The following TET1 variants were observed in gnomAD, a reference collection of about 807,000 sequenced individuals.
TET1 encodes methylcytosine dioxygenase TET1.
In TET1, 13 loss-of-function variants were observed where a neutral mutation model predicts 148.7. The ratio of observed to expected loss-of-function variants is 0.09; its 90% CI spans 0.06 to 0.14. TET1 has a LOEUF of 0.14. Ranked by LOEUF, TET1 falls within the 10% of genes least tolerant of loss-of-function variation. The pLI is 1.00. For synonymous variants in TET1, 907 were observed against 937.2 expected, an observed-to-expected ratio of 0.97 and a Z score of 0.59; for missense variants, 2,182 against 2,553.8, an observed-to-expected ratio of 0.85 and a Z score of 3.14.
Position 68,646,658 on chromosome 10 carries a change from C to A in TET1, c.3929C>A (p.Ala1310Asp). 2 of 1,614,200 alleles carry A rather than the reference C, an allele frequency of 1.2e-6. No individual in the cohort carries two copies. Among genetic ancestry groups the A allele is most frequent in the Non-Finnish European group, 1.7e-6 (2 of 1,180,032 alleles). ...CCCTCCTCTCCACCTAACCAGTGTGCTAACGTGATGGCAGGCGATGACCAA... is the reference window on the plus strand; with the variant it reads ...CCCTCCTCTCCACCTAACCAGTGTGATAACGTGATGGCAGGCGATGACCAA... ...TQPSSPPNQCANVMAGDDQIR... is the reference protein window; with the variant it reads ...TQPSSPPNQCDNVMAGDDQIR... The change falls in exon 4 of 12, where the codon GCT (alanine) becomes GAT (aspartate). Residue 1310 changes from alanine (A) to aspartate (D), a missense_variant. Around this residue, in one of 11 missense-constraint regions of TET1, gnomAD observed 582 missense variants for 599.5 expected, o/e 0.97. Transcript: ENST00000373644.
chr10:68,628,223 A>G (rs2054517140), intron 3 of TET1, among the ~76,000 whole-genome samples: 1 of 152,236 alleles, frequency 6.6e-6, no homozygotes, highest in Non-Finnish European at 1.5e-5. Context: ...TTGGGGTTAC[A>G]GGCATGAGCC....
chr10:68,671,096 T>C (rs1280741193), intron 7 of TET1, among the ~76,000 whole-genome samples: 1 of 152,160 alleles, frequency 6.6e-6, no homozygotes, highest in Non-Finnish European at 1.5e-5. Flanking sequence ...GGTTTTTTAT[T>C]TAGGTAAATT....
chr10:68,629,914 G>C (rs1007256632), intron 3 of TET1, among the ~76,000 whole-genome samples: 1 of 152,186 alleles, frequency 6.6e-6, no homozygotes, highest in Non-Finnish European at 1.5e-5. Context: ...GATTGGAAGT[G>C]CTACATACTT....
chr10:68,598,809 G>T (rs895612896), intron 2 of TET1, among the ~76,000 whole-genome samples: 3 of 150,532 alleles, frequency 2.0e-5, no homozygotes, highest in African/African-American at 7.3e-5. Flanking sequence ...TCCTGTCTCA[G>T]CCTCCCGAGT....
rs1450775662 is a variant in TET1 at position 68,572,607 on chromosome 10, T to G, written c.269T>G (p.Leu90Arg). 11 of 1,614,160 alleles carry G rather than the reference T, an allele frequency of 6.8e-6. No homozygotes were observed. Among genetic ancestry groups the G allele is most frequent in the Non-Finnish European group, 9.3e-6 (11 of 1,180,028 alleles). ...ATGAATTTGGATAGGACTGAGGTTC[T>G]TTTTCAGAACCCAGAGTCCTTAACC... The part of the protein sequence containing the change: ...ARMNLDRTEV[L>R]FQNPESLTCN... Residue 90 changes from leucine to arginine, a missense_variant, in exon 2 of 12, where the codon CTT becomes CGT. Transcript: ENST00000373644.
At chr10:68,572,016 C>T (rs1013155374) in intron 1 of TET1, among the ~76,000 whole-genome samples, 1 of 152,096 alleles carries the variant, frequency 6.6e-6, no homozygotes, top group Non-Finnish European at 1.5e-5. Flanking sequence ...ACTTGGGGGG[C>T]TGAAGTGGGA....
At chr10:68,596,941 T>G (rs2132859060) in intron 2 of TET1, among the ~76,000 whole-genome samples, 1 of 151,990 alleles carries the variant, frequency 6.6e-6, no homozygotes, top group East Asian at 1.9e-4. Context: ...AAAACAGACC[T>G]CTCAGCAATA....
At chr10:68,625,021 A>G (rs2054457618) in intron 3 of TET1, among the ~76,000 whole-genome samples, 1 of 152,136 alleles carries the variant, frequency 6.6e-6, no homozygotes, top group Admixed American at 6.6e-5. Context: ...GGCGTGAGCC[A>G]GTGCGCCCGG....
chr10:68,580,707 A>G (rs576605873), intron 2 of TET1, among the ~76,000 whole-genome samples: 2 of 149,650 alleles, frequency 1.3e-5, no homozygotes, highest in African/African-American at 4.9e-5. Context: ...GCGTGAACCC[A>G]GGAGACGGAG....
chr10:68,641,631 TG>T (rs772712838), intron 3 of TET1, among the ~76,000 whole-genome samples: 47 of 151,550 alleles, frequency 3.1e-4, no homozygotes, highest in Non-Finnish European at 5.3e-4. Context: ...CTCGAGTACC[TG>T]GGACTACAGG....
chr10:68,631,213 A>C (rs1447501360), intron 3 of TET1, among the ~76,000 whole-genome samples: 1 of 152,202 alleles, frequency 6.6e-6, no homozygotes, highest in Non-Finnish European at 1.5e-5. Flanking sequence ...TATTAAAAAC[A>C]AAGATGATTC....
At chr10:68,565,475 A>ATATATATATATATAT (rs1554927790) in intron 1 of TET1, among the ~76,000 whole-genome samples, 3 of 129,232 alleles carry the variant, frequency 2.3e-5, no homozygotes, top group African/African-American at 8.4e-5. Context: ...AAAAAAAAAA[A>ATATATATATATATAT]ATATATATAT....
intron 10 of TET1, 49 bp from the exon 11 acceptor site, chr10:68,686,306 AT>A (rs755956080): frequency 6.8e-7 from 1 of 1,463,390 alleles, no homozygotes; most frequent in East Asian, 2.3e-5. Flanking sequence ...GCCACAATGA[AT>A]GTGCACGACC....
Position 68,573,489 on chromosome 10 carries a change from T to C in TET1, c.1151T>C (p.Val384Ala). The C allele has an allele frequency of 6.2e-7, 1 of 1,614,198 alleles. No homozygotes were observed. The highest frequency in any genetic ancestry group is 8.5e-7 in the Non-Finnish European group (1 of 1,180,034). Reference sequence around the variant, plus strand: ...TGGGAACTTCCTGGTGCTGACCCAGTTCATGGTGAGGCCCTGGGTGAGACC... The same window carrying C: ...TGGGAACTTCCTGGTGCTGACCCAGCTCATGGTGAGGCCCTGGGTGAGACC... ...HQWELPGADPVHGEALGETPD... is the reference protein window; with the variant it reads ...HQWELPGADPAHGEALGETPD... Residue 384 changes from valine to alanine, a missense_variant, in exon 2 of 12, where the codon GTT becomes GCT. Physicochemically the swap from Val to Ala is moderately conservative, Grantham distance 64. Around this residue, in one of 11 missense-constraint regions of TET1, gnomAD observed 665 missense variants for 672.4 expected, o/e 0.99. Transcript: ENST00000373644.
At chr10:68,649,682 A>G (rs1250347184) in intron 4 of TET1, among the ~76,000 whole-genome samples, 1 of 152,122 alleles carries the variant, frequency 6.6e-6, no homozygotes, top group Non-Finnish European at 1.5e-5. Context: ...TAGTTCAACA[A>G]ACACGTGCCT....
intron 2 of TET1, among the ~76,000 whole-genome samples, chr10:68,584,206 A>AT (rs146595250): frequency 0.13 from 19,478 of 148,946 alleles, 1,678 homozygotes; most frequent in South Asian, 0.24. Context: ...CACCCAGCTA[A>AT]TTTTTTTTTA....
In TET1 at chr10:68,646,329, A is replaced by G; in HGVS notation, c.3600A>G (p.Gln1200=). ...CATCGAAATTTCAAAATTTTGGGCA[A>G]TTTTGTCCACATGATTTTCCTACTG... ...WIASKFQNFG[Q]FCPHDFPTVF... The change falls in exon 4 of 12, where the codon CAA becomes CAG. Residue 1200 remains glutamine, a synonymous_variant. Coordinates refer to ENST00000373644, the MANE Select transcript of TET1 (RefSeq NM_030625.3). The G allele has an allele frequency of 3.7e-6, 6 of 1,614,154 alleles. No homozygotes were observed. Among genetic ancestry groups the G allele is most frequent in the South Asian group, 2.2e-5 (2 of 91,082 alleles).
intron 2 of TET1, among the ~76,000 whole-genome samples, chr10:68,577,493 CA>C (rs141528458): frequency 0.3 from 44,608 of 147,440 alleles, 7,724 homozygotes; most frequent in Middle Eastern, 0.42. Flanking sequence ...CATCAAAAAA[CA>C]AAAAACAAAC....
intron 3 of TET1, among the ~76,000 whole-genome samples, chr10:68,624,662 C>CTTTCTTTCTTTCTTT (rs1564975112): frequency 2.5e-5 from 2 of 81,200 alleles, no homozygotes; most frequent in African/African-American, 9.3e-5. Flanking sequence ...CTTTCTTTCT[C>CTTTCTTTCTTTCTTT]TCTCTCTCTC....
Sources: gnomAD v4.1 joint callset for allele counts (sites outside exome capture counted in the v4.1 genomes callset) on GRCh38, gnomAD v4.1.1 for gene constraint, gnomAD v4.1.1 regional missense constraint, MANE v1.5 for transcripts, NCBI Gene and HGNC (gene_info 2026-07-23, HGNC 2026-07-21) for gene names.